Variants in KCNH1 observed in about 807,000 individuals in gnomAD.
KCNH1 encodes the protein potassium voltage-gated channel subfamily H member 1.
In KCNH1, 27 loss-of-function variants were observed where a neutral mutation model predicts 69.2. That is an observed-to-expected ratio of 0.39 (90% confidence interval 0.29 to 0.54). The LOEUF (loss-of-function observed/expected upper bound fraction) is 0.54. Ranked by LOEUF, KCNH1 falls within the 20% of genes least tolerant of loss-of-function variation. KCNH1 has a pLI of 0.68. For missense variants in KCNH1, 798 were observed against 1,261.6 expected, an observed-to-expected ratio of 0.63 and a Z score of 5.57; for synonymous variants, 456 against 487.7, an observed-to-expected ratio of 0.93 and a Z score of 0.86.
intron 4 of KCNH1, among the ~76,000 whole-genome samples, chr1:211,083,498 C>T (rs1046482162): frequency 1.3e-5 from 2 of 152,192 alleles, no homozygotes; most frequent in Non-Finnish European, 2.9e-5. Flanking sequence ...TGGTTGGTGA[C>T]AGGTCCTTAC....
chr1:210,789,658 TA>T (rs1204742709), intron 9 of KCNH1, among the ~76,000 whole-genome samples: 2 of 152,216 alleles, frequency 1.3e-5, no homozygotes, highest in East Asian at 3.8e-4. Flanking sequence ...CATATACTCT[TA>T]AAGACAACTT....
At chr1:210,946,701 G>A (rs548517662) in intron 6 of KCNH1, among the ~76,000 whole-genome samples, 1 of 152,202 alleles carries the variant, frequency 6.6e-6, no homozygotes, top group South Asian at 2.1e-4. Flanking sequence ...TGCTCCTCCT[G>A]CCTTCTCTCC....
chr1:211,019,364 C>A, intron 5 of KCNH1, 108 bp from the exon 6 acceptor site: 1 of 682,474 alleles, frequency 1.5e-6, no homozygotes, highest in South Asian at 1.9e-5. Context: ...CTGGATAAAT[C>A]GTCAGGTACA....
At chr1:210,801,338 G>A (rs1288455360) in intron 8 of KCNH1, among the ~76,000 whole-genome samples, 2 of 152,156 alleles carry the variant, frequency 1.3e-5, no homozygotes, top group African/African-American at 4.8e-5. Context: ...GGAGGGGAGG[G>A]GCAGATGGGG....
At chr1:210,956,137 CT>C (rs1688171374) in intron 6 of KCNH1, among the ~76,000 whole-genome samples, 1 of 152,102 alleles carries the variant, frequency 6.6e-6, no homozygotes, top group South Asian at 2.1e-4. Context: ...TGTCAAAGGC[CT>C]TTACAGCATC....
intron 6 of KCNH1, among the ~76,000 whole-genome samples, chr1:210,973,747 C>A (rs1340017382): frequency 6.6e-6 from 1 of 152,096 alleles, no homozygotes; most frequent in Non-Finnish European, 1.5e-5. Context: ...TGTCATTAGT[C>A]ATTGCAGCTA....
chr1:210,789,568 G>A (rs1684174270), intron 9 of KCNH1, among the ~76,000 whole-genome samples: 1 of 152,118 alleles, frequency 6.6e-6, no homozygotes, highest in Admixed American at 6.5e-5. Flanking sequence ...ACCAACAAAT[G>A]TGAAATTTGA....
chr1:211,030,093 T>C (rs143204625), intron 5 of KCNH1, among the ~76,000 whole-genome samples: 36 of 152,350 alleles, frequency 2.4e-4, no homozygotes, highest in African/African-American at 8.7e-4. Flanking sequence ...CAAATCGTTA[T>C]ACAAGTTTAG....
rs72753480 is a variant in KCNH1, at chr1:210,769,815, C to T, written c.2112+5533G>A. 5.6e-3 allele frequency among the ~76,000 whole-genome samples: 857 copies of T among 152,118 alleles called. 8 individuals are homozygous for T. The highest frequency in any genetic ancestry group is 9.9e-3 in the Non-Finnish European group (675 of 67,998). On this transcript the variant is annotated intron_variant, in intron 10 of 10. Coordinates refer to ENST00000271751, the MANE Select transcript of KCNH1 (RefSeq NM_172362.3). Reference sequence around the variant, plus strand: ...GGAAAGTAGAGCCCAAGTGAAACATCGACTAAAGAAATGTCTGGTTATTAA... The same window carrying T: ...GGAAAGTAGAGCCCAAGTGAAACATTGACTAAAGAAATGTCTGGTTATTAA...
In KCNH1 at chr1:211,090,239, T is replaced by A. The variant is rs554018562; in HGVS notation, c.439+323A>T. On this transcript the variant is annotated intron_variant, in intron 4 of 10. Transcript: ENST00000271751. ...CCATAGACCACCTCATTGGTATGAC[T>A]GACATTTGTTATGTGAAAACTTGAA... Among the ~76,000 whole-genome samples the A allele has an allele frequency of 3.0e-4, 45 of 152,352 alleles. No individual in the cohort carries two copies. The South Asian group carries it at 8.9e-3, about 30-fold the overall frequency.
chr1:210,848,595 A>G (rs1299769689), intron 7 of KCNH1, among the ~76,000 whole-genome samples: 2 of 152,206 alleles, frequency 1.3e-5, no homozygotes, highest in African/African-American at 2.4e-5. Context: ...ACTGAGCCAT[A>G]AGTACCATCT....
intron 7 of KCNH1, among the ~76,000 whole-genome samples, chr1:210,911,413 T>A (rs1687228497): frequency 2.0e-5 from 3 of 152,134 alleles, no homozygotes; most frequent in Admixed American, 2.0e-4. Context: ...TAATTTTAAT[T>A]CAAATGTCAA....
At chr1:210,808,224 C>G (rs117368698) in intron 7 of KCNH1, among the ~76,000 whole-genome samples, 2 of 152,180 alleles carry the variant, frequency 1.3e-5, no homozygotes, top group Non-Finnish European at 2.9e-5. Flanking sequence ...CCAGGAGTCA[C>G]AGGAAAAGAG....
intron 7 of KCNH1, among the ~76,000 whole-genome samples, chr1:210,870,305 T>C (rs143323063): frequency 2.3e-4 from 35 of 152,208 alleles, no homozygotes; most frequent in African/African-American, 7.5e-4. Context: ...CCTCTTTCCA[T>C]CCTCACCCCC....
At chr1:210,880,918 T>C (rs1686479098) in intron 7 of KCNH1, among the ~76,000 whole-genome samples, 1 of 151,714 alleles carries the variant, frequency 6.6e-6, no homozygotes, top group Admixed American at 6.6e-5. Flanking sequence ...CCATACTTAA[T>C]AGAGACCTTA....
At chr1:210,860,871 G>GCCTA (rs1302099997) in intron 7 of KCNH1, 1 of 920,416 alleles carries the variant, frequency 1.1e-6, no homozygotes, top group Admixed American at 1.7e-5. Context: ...CTCTCATGTA[G>GCCTA]CCTAGTTCAC....
At chr1:211,112,206 G>A (rs946108280) in intron 1 of KCNH1, among the ~76,000 whole-genome samples, 1 of 147,614 alleles carries the variant, frequency 6.8e-6, no homozygotes, top group African/African-American at 2.5e-5. Flanking sequence ...CCTCCGCCCC[G>A]TCTGGGAAGT....
intron 5 of KCNH1, among the ~76,000 whole-genome samples, chr1:211,051,482 G>A (rs1251944190): frequency 2.0e-5 from 3 of 152,160 alleles, no homozygotes; most frequent in Admixed American, 6.5e-5. Context: ...GCACATGTGA[G>A]ATCTACACTG....
At chr1:211,023,167 A>AT (rs1347654793) in intron 5 of KCNH1, among the ~76,000 whole-genome samples, 8 of 141,078 alleles carry the variant, frequency 5.7e-5, no homozygotes, top group Non-Finnish European at 7.9e-5. Flanking sequence ...AATAAATTAA[A>AT]AATGCTGGTG....
Sources: allele counts gnomAD v4.1 joint callset (sites outside exome capture counted in the v4.1 genomes callset), GRCh38; gene constraint gnomAD v4.1.1; transcripts MANE v1.5; gene names NCBI Gene and HGNC (gene_info 2026-07-23, HGNC 2026-07-21).